Variants in FOCAD observed in about 807,000 individuals in gnomAD.
The protein encoded by FOCAD is KIAA1797.
In FOCAD, 198 loss-of-function variants were observed where a neutral mutation model predicts 225.6. The ratio of observed to expected loss-of-function variants is 0.88; its 90% CI spans 0.78 to 0.99. The LOEUF is 0.99. FOCAD is among the 50% of genes least tolerant of loss of function. The pLI, the probability that FOCAD is intolerant of heterozygous loss-of-function variation, is 0.00. For missense variants in FOCAD, 2,713 were observed against 2,123.6 expected (o/e 1.28, Z -5.46); for synonymous variants, 897 against 755.0 (o/e 1.19, Z -3.08).
intron 2 of FOCAD, among the ~76,000 whole-genome samples, chr9:20,715,668 G>A (rs764089828): frequency 6.6e-6 from 1 of 151,896 alleles, no homozygotes; most frequent in East Asian, 1.9e-4. Context: ...TGATTAACTA[G>A]TAGGCCCCTG....
At chr9:20,762,349 A>G (rs1245218232) in intron 6 of FOCAD, among the ~76,000 whole-genome samples, 3 of 152,214 alleles carry the variant, frequency 2.0e-5, no homozygotes, top group African/African-American at 7.2e-5. Flanking sequence ...TTTGAAGTGA[A>G]AAGTCCTTTT....
Position 20,981,762 on chromosome 9 carries a change from G to A in FOCAD, c.4638+76G>A, listed in dbSNP as rs149477120. On this transcript the variant is annotated intron_variant, in intron 38 of 43. Transcript: ENST00000338382. The stretch of plus-strand genomic sequence containing the variant: ...TAAAGGCTTCTTGGCAAAGTGGGGA[G>A]GTGTATGTTTTAAGAATGTGGGTGG... 974 of 1,493,288 alleles carry A rather than the reference G, an allele frequency of 6.5e-4. 3 individuals are homozygous for A. In the African/African-American group the frequency reaches 0.012, roughly 19 times the overall value. The allele number at this position is 1,493,288 out of a possible 1,614,324, so 92.5% of individuals were successfully genotyped here. A position where few individuals can be genotyped will look rare whatever the true frequency, so the allele number is the denominator to read the frequency against.
At chr9:20,889,777 A>G (rs1831453460) in intron 21 of FOCAD, among the ~76,000 whole-genome samples, 1 of 152,164 alleles carries the variant, frequency 6.6e-6, no homozygotes, top group Non-Finnish European at 1.5e-5. Context: ...ACCACAAAAA[A>G]GTTTGCTGAT....
intron 42 of FOCAD, among the ~76,000 whole-genome samples, chr9:20,991,670 G>C (rs1364397414): frequency 6.6e-6 from 1 of 152,024 alleles, no homozygotes; most frequent in Non-Finnish European, 1.5e-5. Context: ...AGAATTAGAC[G>C]AGTGTGGTGG....
intron 21 of FOCAD, among the ~76,000 whole-genome samples, chr9:20,888,380 A>G (rs912951115): frequency 6.6e-6 from 1 of 151,814 alleles, no homozygotes; most frequent in Non-Finnish European, 1.5e-5. Context: ...CTCATGATCC[A>G]TCTGCCTTGG....
At chr9:20,953,566 C>T (rs1447354643) in intron 35 of FOCAD, among the ~76,000 whole-genome samples, 1 of 152,124 alleles carries the variant, frequency 6.6e-6, no homozygotes, top group East Asian at 1.9e-4. Context: ...TGTATTGCTG[C>T]CACCCCCATT....
rs1453308794 is a variant in FOCAD, at chr9:20,819,984, A to C, written c.1560+84A>C. ...TTCTTTTTGGTATTATGAAATTTTA[A>C]GCCCTAAATTTTGCCATAGTCACTA... On this transcript the variant is annotated intron_variant, in intron 12 of 43. Transcript: ENST00000338382. 5.0e-5 allele frequency: 43 copies of C among 868,424 alleles called. No homozygotes were observed. In the East Asian group the frequency reaches 1.3e-3, roughly 25 times the overall value. 53.8% of individuals were successfully genotyped at this position (868,424 alleles called of 1,614,324 possible).
chr9:20,807,400 A>C (rs1236699940), intron 11 of FOCAD, among the ~76,000 whole-genome samples: 1 of 152,264 alleles, frequency 6.6e-6, no homozygotes. Context: ...GCTGTTCAAT[A>C]GAAGTAAAAT....
At chr9:20,793,990 C>A (rs1820807426) in intron 11 of FOCAD, among the ~76,000 whole-genome samples, 1 of 152,186 alleles carries the variant, frequency 6.6e-6, no homozygotes, top group Non-Finnish European at 1.5e-5. Context: ...TGACATGTCT[C>A]ATCATTCTTC....
chr9:20,722,206 C>G (rs1825844802), intron 4 of FOCAD, among the ~76,000 whole-genome samples: 1 of 151,624 alleles, frequency 6.6e-6, no homozygotes, highest in African/African-American at 2.4e-5. Flanking sequence ...GCATGCCTGG[C>G]TTGGTTTTTC....
intron 19 of FOCAD, among the ~76,000 whole-genome samples, chr9:20,879,589 G>C (rs1378660626): frequency 1.3e-5 from 2 of 151,980 alleles, no homozygotes; most frequent in South Asian, 2.1e-4. Context: ...GAGGACATTT[G>C]GGTTGTTTTG....
rs1818049873 is a variant in FOCAD at position 20,770,146 on chromosome 9, C to T, written c.814C>T (p.Leu272=). ...KIQLTQMSLQ[L]LCVSEVSLKI... ...TCAGCTTACCCAGATGAGTCTTCAG[C>T]TGCTGTGTGTCAGTGAAGTCAGCTT... The change falls in exon 8 of 44, where the codon CTG becomes TTG. Residue 272 remains leucine (L), a synonymous_variant. Transcript: ENST00000338382. 1 of 1,614,086 alleles carries T rather than the reference C, an allele frequency of 6.2e-7. No homozygotes were observed. Among genetic ancestry groups the T allele is most frequent in the Non-Finnish European group, 8.5e-7 (1 of 1,179,974 alleles).
intron 15 of FOCAD, among the ~76,000 whole-genome samples, chr9:20,841,455 A>G (rs1826520222): frequency 6.6e-6 from 1 of 151,390 alleles, no homozygotes; most frequent in Non-Finnish European, 1.5e-5. Context: ...TTATGGGTCC[A>G]TTCAGGTTTT....
intron 5 of FOCAD, among the ~76,000 whole-genome samples, chr9:20,746,174 C>T (rs575951130): frequency 6.6e-6 from 1 of 152,280 alleles, no homozygotes; most frequent in South Asian, 2.1e-4. Context: ...TTTTTAATTT[C>T]AATAACTAGC....
intron 1 of FOCAD, among the ~76,000 whole-genome samples, chr9:20,704,774 G>A (rs905424001): frequency 1.3e-5 from 2 of 152,068 alleles, no homozygotes; most frequent in South Asian, 2.1e-4. Flanking sequence ...GGATTTCTAC[G>A]CTTTCAGTGA....
chr9:20,950,926 G>A, intron 33 of FOCAD, 70 bp from the exon 34 acceptor site: 1 of 1,364,034 alleles, frequency 7.3e-7, no homozygotes, highest in East Asian at 2.3e-5. Context: ...GTGACTTTCT[G>A]TGAGTGACCT....
intron 43 of FOCAD, among the ~76,000 whole-genome samples, chr9:20,993,649 A>C (rs952026107): frequency 3.3e-5 from 5 of 152,242 alleles, no homozygotes; most frequent in African/African-American, 1.2e-4. Flanking sequence ...TTAAGTACTT[A>C]TGTGTGGAAT....
chr9:20,932,853 C>T (rs971091311), intron 27 of FOCAD, among the ~76,000 whole-genome samples, 161 bp from the exon 28 acceptor site: 1 of 151,686 alleles, frequency 6.6e-6, no homozygotes, highest in Non-Finnish European at 1.5e-5. Flanking sequence ...GTTTCTGTAA[C>T]TACCAAATAA....
chr9:20,758,650 A>G (rs1829288928), intron 6 of FOCAD, among the ~76,000 whole-genome samples: 1 of 152,062 alleles, frequency 6.6e-6, no homozygotes, highest in African/African-American at 2.4e-5. Context: ...TTTACTGAGA[A>G]TGATGATTTC....
Sources: gnomAD v4.1 joint callset for allele counts (sites outside exome capture counted in the v4.1 genomes callset) on GRCh38, gnomAD v4.1.1 for gene constraint, MANE v1.5 for transcripts, NCBI Gene and HGNC (gene_info 2026-07-23, HGNC 2026-07-21) for gene names.